ATP13A3: variants seen among roughly 807,000 people sequenced by gnomAD.
ATP13A3 encodes the protein polyamine-transporting ATPase 13A3.
ATP13A3 carries 59 observed loss-of-function variants against 158.1 expected under a neutral mutation model. The observed-to-expected ratio is 0.37, with a 90% CI of 0.30 to 0.46. The LOEUF (loss-of-function observed/expected upper bound fraction) is 0.46. ATP13A3 is among the 20% of genes least tolerant of loss of function. The probability of loss-of-function intolerance (pLI) is 1.00; values close to 1 mark genes in which losing one functional copy is unlikely to be tolerated. For synonymous variants in ATP13A3, 491 were observed against 504.3 expected (o/e 0.97, Z 0.35); for missense variants, 1,166 against 1,525.2 (o/e 0.76, Z 3.92).
intron 33 of ATP13A3, among the ~76,000 whole-genome samples, chr3:194,406,345 G>A (rs545587963): frequency 6.6e-6 from 1 of 152,272 alleles, no homozygotes; most frequent in African/African-American, 2.4e-5. Context: ...TGGGAGGACT[G>A]CTTGAGCCCA....
chr3:194,433,037 C>T (rs1717342852), intron 21 of ATP13A3, among the ~76,000 whole-genome samples: 1 of 152,008 alleles, frequency 6.6e-6, no homozygotes, highest in East Asian at 1.9e-4. Context: ...TTCTATGTAG[C>T]TGACAGTTCT....
intron 10 of ATP13A3, 38 bp downstream of exon 10, chr3:194,453,668 T>A: frequency 6.6e-7 from 1 of 1,522,156 alleles, no homozygotes; most frequent in South Asian, 1.1e-5. Flanking sequence ...CTAACAGGTA[T>A]CTTTTTTGAT....
chr3:194,431,872 C>T lies in ATP13A3; in HGVS notation c.2266G>A (p.Val756Ile), dbSNP rs768698775. 1.3e-6 allele frequency: 2 copies of T among 1,596,138 alleles called. No homozygotes were observed. Among genetic ancestry groups the T allele is most frequent in the Non-Finnish European group, 1.7e-6 (2 of 1,174,270 alleles). The change falls in exon 22 of 34, where the codon GTC (valine) becomes ATC (isoleucine). Residue 756 changes from valine to isoleucine, a missense_variant. Physicochemically the swap from Val to Ile is conservative, Grantham distance 29. Coordinates refer to ENST00000645319, the MANE Select transcript of ATP13A3 (RefSeq NM_001367549.1). ...MVTGDSMLTA[V>I]SVARDCGMIL... ...ATTCCACAATCTCTGGCCACAGAGA[C>T]AGCAGTCAACATACTGTCACCTAAT...
chr3:194,455,981 T>C lies in ATP13A3; in HGVS notation c.561-19A>G. The C allele has an allele frequency of 1.4e-6, 2 of 1,406,944 alleles. No individual in the cohort carries two copies. Among genetic ancestry groups the C allele is most frequent in the South Asian group, 1.3e-5 (1 of 78,574 alleles). 87.2% of individuals were successfully genotyped at this position (1,406,944 alleles called of 1,614,324 possible). ...CAGTTTTCTATAACAGGAAAATACATTCATAGTATTACATTATATCATAAT... is the reference window on the plus strand; with the variant it reads ...CAGTTTTCTATAACAGGAAAATACACTCATAGTATTACATTATATCATAAT... On this transcript the variant is annotated intron_variant, in intron 7 of 33. Coordinates refer to ENST00000645319, the MANE Select transcript of ATP13A3 (RefSeq NM_001367549.1).
In ATP13A3 at chr3:194,459,495, G is replaced by C; in HGVS notation, c.455C>G (p.Thr152Ser). The part of the protein sequence containing the change: ...HHSVKYFWND[T>S]IHNFDFLKGL... ...CTTTAAGAAATCAAAATTGTGAATG[G>C]TATCATTCCAGAAATATTTTACACT... Residue 152 changes from threonine (T) to serine (S), a missense_variant, in exon 6 of 34, where the codon ACC (threonine) becomes AGC (serine). Physicochemically the swap from Thr to Ser is moderately conservative, Grantham distance 58 (BLOSUM62 1). Around this residue, in one of 3 missense-constraint regions of ATP13A3, gnomAD observed 104 missense variants for 91.7 expected, o/e 1.13. Coordinates refer to ENST00000645319, the MANE Select transcript of ATP13A3 (RefSeq NM_001367549.1). The C allele has an allele frequency of 6.3e-7, 1 of 1,599,538 alleles. No homozygotes were observed.
rs374026620 is a variant in ATP13A3, at chr3:194,447,866, T to A, written c.1294A>T (p.Ser432Cys). 4.3e-6 allele frequency: 7 copies of A among 1,610,350 alleles called. No individual in the cohort carries two copies. The African/African-American group carries it at 9.4e-5, about 22-fold the overall frequency. Residue 432 changes from serine (S) to cysteine (C), a missense_variant, in exon 13 of 34, where the codon AGC (serine) becomes TGC (cysteine). This residue lies in a region of ATP13A3 where 997 missense variants were observed against 1,341.2 expected (regional missense o/e 0.74). Coordinates refer to ENST00000645319, the MANE Select transcript of ATP13A3 (RefSeq NM_001367549.1). ...GIGFIYTIIN[S>C]ILNEVQVGVI... is the part of the protein sequence containing the mutation. ...CACATACATACCTCATTTAAAATGC[T>A]ATTAATAATAGTGTAGATAAACCCA...
intron 2 of ATP13A3, among the ~76,000 whole-genome samples, chr3:194,492,564 C>T (rs956521005): frequency 5.3e-5 from 8 of 151,976 alleles, no homozygotes; most frequent in African/African-American, 1.9e-4. Flanking sequence ...AAGCAATTCT[C>T]CTGCCTCAGC....
At chr3:194,483,872 A>C (rs1367888283) in intron 2 of ATP13A3, among the ~76,000 whole-genome samples, 2 of 152,210 alleles carry the variant, frequency 1.3e-5, no homozygotes, top group Admixed American at 6.5e-5. Flanking sequence ...AAAAATAAGA[A>C]ATGTGATTCT....
In ATP13A3 at chr3:194,437,487, C is replaced by A. The variant is rs181711374; in HGVS notation, c.1846-23G>T. ...AGCCTATATCATTTCAAAAGAGGCA[C>A]AAAGCACTTAATATTCTTAAAGAAT... On this transcript the variant is annotated intron_variant, in intron 18 of 33. Transcript: ENST00000645319. 4.5e-4 allele frequency: 722 copies of A among 1,613,820 alleles called. 1 individual carries two copies. Among genetic ancestry groups the A allele is most frequent in the Non-Finnish European group, 1.3e-4 (157 of 1,179,926 alleles).
At position 194,431,241 on chromosome 3, in the gene ATP13A3, C is replaced by T. The variant is rs1717198534; in HGVS notation, c.2422-15G>A. 1 of 1,576,358 alleles carries T rather than the reference C, an allele frequency of 6.3e-7. No individual in the cohort carries two copies. The highest frequency in any genetic ancestry group is 1.2e-5 in the South Asian group (1 of 86,896). On this transcript the variant is annotated splice_polypyrimidine_tract_variant and intron_variant, in intron 22 of 33. Coordinates refer to ENST00000645319, the MANE Select transcript of ATP13A3 (RefSeq NM_001367549.1). ...ACCGGAATAGCCTGTGTATATGAGACATTGGGAACAATATTTAGGCAACCA... is the reference window on the plus strand; with the variant it reads ...ACCGGAATAGCCTGTGTATATGAGATATTGGGAACAATATTTAGGCAACCA...
chr3:194,430,204 T>C, intron 25 of ATP13A3, 23 bp from the exon 26 acceptor site: 2 of 1,613,392 alleles, frequency 1.2e-6, no homozygotes, highest in Non-Finnish European at 8.5e-7. Flanking sequence ...AGAAAACTGG[T>C]TAAGTTTTGT....
chr3:194,448,067 C>T lies in ATP13A3; in HGVS notation c.1151-58G>A. The T allele has an allele frequency of 7.0e-7, 1 of 1,433,854 alleles. No individual in the cohort carries two copies. The highest frequency in any genetic ancestry group is 9.6e-7 in the Non-Finnish European group (1 of 1,037,960). The allele number at this position is 1,433,854 out of a possible 1,614,324, so 88.8% of individuals were successfully genotyped here. ...TTATAAGAAAATGAGAATTATCTCC[C>T]AAAACAGAATCTCTCTTTTTTTTTT... On this transcript the variant is annotated intron_variant, in intron 12 of 33. Coordinates refer to ENST00000645319, the MANE Select transcript of ATP13A3 (RefSeq NM_001367549.1). This position sits in a 1 kb window ranked among gnomAD's most constrained non-coding sequence, Gnocchi z 4.0.
intron 33 of ATP13A3, 85 bp from the exon 34 acceptor site, chr3:194,406,201 T>G: frequency 7.5e-7 from 1 of 1,329,134 alleles, no homozygotes; most frequent in Non-Finnish European, 1.0e-6. Context: ...AAGCACACAT[T>G]AGCAGAGAAA....
chr3:194,485,159 C>G (rs1406737500), intron 2 of ATP13A3, among the ~76,000 whole-genome samples: 2 of 152,152 alleles, frequency 1.3e-5, no homozygotes, highest in Non-Finnish European at 2.9e-5. Flanking sequence ...CTCAAAATCT[C>G]AATTATTTCA....
At position 194,413,833 on chromosome 3, in the gene ATP13A3, ACACT is replaced by A; in HGVS notation, c.3405_3408del (p.Cys1137TyrfsTer7). On this transcript the variant is annotated frameshift_variant and splice_region_variant, in exon 32 of 34. Transcript: ENST00000645319. LOFTEE classifies it high-confidence loss of function. ...GTTACACGCCACTGATATGGTACACACACTATCTGTAATGCAAAAACATTTTAAA... is the reference window on the plus strand; with the variant it reads ...GTTACACGCCACTGATATGGTACACAATCTGTAATGCAAAAACATTTTAAA... 1 of 1,613,286 alleles carries A rather than the reference ACACT, an allele frequency of 6.2e-7. No homozygotes were observed. The highest frequency in any genetic ancestry group is 8.5e-7 in the Non-Finnish European group (1 of 1,179,290).
intron 33 of ATP13A3, among the ~76,000 whole-genome samples, chr3:194,409,770 A>C (rs1172718705): frequency 1.4e-5 from 2 of 145,566 alleles, no homozygotes; most frequent in East Asian, 4.0e-4. Context: ...TGACAACCAA[A>C]AATGCCTCCA....
chr3:194,407,685 G>T (rs139979698), intron 33 of ATP13A3, among the ~76,000 whole-genome samples: 1 of 152,160 alleles, frequency 6.6e-6, no homozygotes, highest in Non-Finnish European at 1.5e-5. Flanking sequence ...AGTAAGCTAC[G>T]TGGCATTCTG....
intron 2 of ATP13A3, among the ~76,000 whole-genome samples, chr3:194,483,313 G>C (rs1473855989): frequency 6.7e-6 from 1 of 150,202 alleles, no homozygotes; most frequent in Non-Finnish European, 1.5e-5. Flanking sequence ...AAAAGGACGG[G>C]GTGCAGTGAT....
At chr3:194,468,366 C>A (rs1720118968) in intron 2 of ATP13A3, 1 of 132,776 alleles carries the variant, frequency 7.5e-6, no homozygotes. Context: ...TTATAATAAA[C>A]TTGATTTGCT....
Sources: allele counts gnomAD v4.1 joint callset (sites outside exome capture counted in the v4.1 genomes callset), GRCh38; gene constraint gnomAD v4.1.1; regional missense constraint gnomAD v4.1.1; non-coding constraint Gnocchi (gnomAD v3.1); transcripts MANE v1.5; gene names NCBI Gene and HGNC (gene_info 2026-07-23, HGNC 2026-07-21).